The following BTN3A1 variants were observed in gnomAD, a reference collection of about 807,000 sequenced individuals.
BTN3A1 encodes butyrophilin subfamily 3 member A1, also known as dJ45P21.3 (butyrophilin, subfamily 3, member A1).
BTN3A1 carries 24 observed loss-of-function variants against 43.0 expected under a neutral mutation model. The observed-to-expected ratio is 0.56, with a 90% CI of 0.40 to 0.78. The LOEUF (loss-of-function observed/expected upper bound fraction) is 0.78. Ranked by LOEUF, BTN3A1 falls within the 30% of genes least tolerant of loss-of-function variation. The probability of loss-of-function intolerance (pLI) is 0.00; values close to 1 mark genes in which losing one functional copy is unlikely to be tolerated. For synonymous variants in BTN3A1, 181 were observed against 234.7 expected, an observed-to-expected ratio of 0.77 and a Z score of 2.09; for missense variants, 533 against 626.2, an observed-to-expected ratio of 0.85 and a Z score of 1.59.
rs1762315681 is a variant in BTN3A1 at position 26,414,116 on chromosome 6, T to C, written c.*424T>C. The C allele has an allele frequency of 4.1e-6, 1 of 242,594 alleles. No homozygotes were observed. Among genetic ancestry groups the C allele is most frequent in the East Asian group, 1.1e-4 (1 of 9,294 alleles). 15.0% of individuals were successfully genotyped at this position (242,594 alleles called of 1,614,324 possible). Reference sequence around the variant, plus strand: ...GTGCTGTGTTATGAGCTTTGGTGGATGTCACTCCTTTAATCCTCGCAACAC... The same window carrying C: ...GTGCTGTGTTATGAGCTTTGGTGGACGTCACTCCTTTAATCCTCGCAACAC... On this transcript the variant is annotated 3_prime_UTR_variant, in exon 10 of 10. Transcript: ENST00000289361.
Position 26,407,828 on chromosome 6 carries a change from C to A in BTN3A1, c.591C>A (p.Asp197Glu). ...IPTVEAPVVA[D>E]GVGLYAVAAS... is the part of the protein sequence containing the mutation. ...CTGTGGAAGCACCTGTGGTTGCAGA[C>A]GGAGTGGGCCTGTATGCAGTAGCAG... is the stretch of plus-strand genomic sequence containing the variant. Residue 197 changes from aspartate to glutamate, a missense_variant, in exon 4 of 10, where the codon GAC (aspartate) becomes GAA (glutamate). This residue lies in a region of BTN3A1 where 415 missense variants were observed against 427.0 expected (regional missense o/e 0.97). Coordinates refer to ENST00000289361, the MANE Select transcript of BTN3A1 (RefSeq NM_007048.6). 2 of 1,614,214 alleles carry A rather than the reference C, an allele frequency of 1.2e-6. No homozygotes were observed. The highest frequency in any genetic ancestry group is 1.7e-6 in the Non-Finnish European group (2 of 1,180,050).
Position 26,413,984 on chromosome 6 carries a change from G to T in BTN3A1, c.*292G>T. ...TCCCCTTATACAGATAAGGAAACTG[G>T]GGTGCAGAAAAGTGAATTGACTACA... is the stretch of plus-strand genomic sequence containing the variant. On this transcript the variant is annotated 3_prime_UTR_variant, in exon 10 of 10. Transcript: ENST00000289361. 1 of 433,278 alleles carries T rather than the reference G, an allele frequency of 2.3e-6. No individual in the cohort carries two copies. Among genetic ancestry groups the T allele is most frequent in the Non-Finnish European group, 4.2e-6 (1 of 238,668 alleles). 26.8% of individuals were successfully genotyped at this position (433,278 alleles called of 1,614,324 possible). A position where few individuals can be genotyped will look rare whatever the true frequency, so the allele number is the denominator to read the frequency against.
At chr6:26,412,607 A>G in intron 9 of BTN3A1, 1 of 1,546,988 alleles carries the variant, frequency 6.5e-7, no homozygotes, top group Admixed American at 2.0e-5. Flanking sequence ...GCTATCAGGA[A>G]GATGAGGAGC....
Position 26,409,628 on chromosome 6 carries a change from T to G in BTN3A1, c.811T>G (p.Trp271Gly). Residue 271 changes from tryptophan (W) to glycine (G), a missense_variant, in exon 5 of 10, where the codon TGG (tryptophan) becomes GGG (glycine). Around this residue, in one of 4 missense-constraint regions of BTN3A1, gnomAD observed 415 missense variants for 427.0 expected, o/e 0.97. Transcript: ENST00000289361. Reference protein sequence around the residue: ...LLLGGAGYFLWQQQEEKKTQF... With the variant: ...LLLGGAGYFLGQQQEEKKTQF... ...TCTTGGGGGAGCCGGTTACTTCCTG[T>G]GGCAACAGCAGGAGGAAAAAAAGAC... The G allele has an allele frequency of 6.2e-7, 1 of 1,607,406 alleles. No individual in the cohort carries two copies. Among genetic ancestry groups the G allele is most frequent in the Non-Finnish European group, 8.5e-7 (1 of 1,178,286 alleles).
At chr6:26,402,766 T>G (rs1761895707) in intron 1 of BTN3A1, among the ~76,000 whole-genome samples, 1 of 152,206 alleles carries the variant, frequency 6.6e-6, no homozygotes, top group Non-Finnish European at 1.5e-5. Context: ...ATATGTAAAT[T>G]TGTTCATTAC....
intron 3 of BTN3A1, among the ~76,000 whole-genome samples, chr6:26,406,764 G>C (rs1762034192): frequency 6.6e-6 from 1 of 152,182 alleles, no homozygotes; most frequent in Non-Finnish European, 1.5e-5. Flanking sequence ...GAGCTGTGGT[G>C]GAGTCTCAGT....
At position 26,406,078 on chromosome 6, in the gene BTN3A1, G is replaced by A; in HGVS notation, c.255G>A (p.Val85=). The change falls in exon 3 of 10, where the codon GTG becomes GTA. Residue 85 remains valine, a synonymous_variant. Coordinates refer to ENST00000289361, the MANE Select transcript of BTN3A1 (RefSeq NM_007048.6). Reference sequence around the variant, plus strand: ...ACGTGTATGCAGATGGAAAGGAAGTGGAAGACAGGCAGAGTGCACCGTATC... The same window carrying A: ...ACGTGTATGCAGATGGAAAGGAAGTAGAAGACAGGCAGAGTGCACCGTATC... ...VVNVYADGKE[V]EDRQSAPYRG... 6.2e-7 allele frequency: 1 copy of A among 1,604,828 alleles called. No individual in the cohort carries two copies.
chr6:26,405,457 T>C lies in BTN3A1; in HGVS notation c.-107T>C, dbSNP rs118130472. 2,639 of 1,098,632 alleles carry C rather than the reference T, an allele frequency of 2.4e-3. 71 individuals are homozygous for C. In the East Asian group the frequency reaches 0.056, roughly 23 times the overall value. 68.1% of individuals were successfully genotyped at this position (1,098,632 alleles called of 1,614,324 possible). A position where few individuals can be genotyped will look rare whatever the true frequency, so the allele number is the denominator to read the frequency against. ...GAAAGATCTTCTTCGGTCACCATACTTGAGTTAGCTCTAGGGAAGTGGAGG... is the reference window on the plus strand; with the variant it reads ...GAAAGATCTTCTTCGGTCACCATACCTGAGTTAGCTCTAGGGAAGTGGAGG... On this transcript the variant is annotated 5_prime_UTR_variant, in exon 2 of 10. Coordinates refer to ENST00000289361, the MANE Select transcript of BTN3A1 (RefSeq NM_007048.6).
chr6:26,409,672 G>C lies in BTN3A1; in HGVS notation c.855G>C (p.Lys285Asn). The change falls in exon 5 of 10, where the codon AAG becomes AAC. Residue 285 changes from lysine (K) to asparagine (N), a missense_variant. Coordinates refer to ENST00000289361, the MANE Select transcript of BTN3A1 (RefSeq NM_007048.6). The stretch of plus-strand genomic sequence containing the variant: ...AAAAGACTCAGTTCAGAAAGAAAAA[G>C]AGAGAGCAAGAGTTGAGAGAAATGG... Reference protein sequence around the residue: ...EEKKTQFRKKKREQELREMAW... With the variant: ...EEKKTQFRKKNREQELREMAW... The C allele has an allele frequency of 6.3e-7, 1 of 1,595,060 alleles. No homozygotes were observed. The highest frequency in any genetic ancestry group is 1.1e-5 in the South Asian group (1 of 89,826).
At chr6:26,408,100 G>C in intron 4 of BTN3A1, 148 bp downstream of exon 4, 5 of 1,308,588 alleles carry the variant, frequency 3.8e-6, no homozygotes, top group Non-Finnish European at 5.1e-6. Flanking sequence ...TGCACCGGGG[G>C]AGCTTCTCTT....
At chr6:26,405,779 G>T in intron 2 of BTN3A1, 130 bp from the exon 3 acceptor site, 2 of 1,582,562 alleles carry the variant, frequency 1.3e-6, no homozygotes, top group Non-Finnish European at 1.7e-6. Context: ...AGAGACAAAT[G>T]GTGCTTCTGT....
intron 5 of BTN3A1, 28 bp from the exon 6 acceptor site, chr6:26,409,866 T>C (rs369731036): frequency 8.7e-6 from 14 of 1,613,900 alleles, no homozygotes; most frequent in Non-Finnish European, 1.1e-5. Flanking sequence ...CCTGTAACAG[T>C]TCATTATTAT....
chr6:26,407,983 A>G (rs1314660243), intron 4 of BTN3A1, 31 bp downstream of exon 4: 2 of 1,610,024 alleles, frequency 1.2e-6, no homozygotes, highest in Non-Finnish European at 1.7e-6. Context: ...AGGTTTTCTG[A>G]GCTGGGCTGT....
In BTN3A1 at chr6:26,406,168, C is replaced by A. The variant is rs2393650; in HGVS notation, c.345C>A (p.Asn115Lys). ...GGAAGGCTGCTCTCCGAATACACAA[C>A]GTCACAGCCTCTGACAGTGGAAAGT... The part of the protein sequence containing the change: ...TAGKAALRIH[N>K]VTASDSGKYL... Residue 115 changes from asparagine (N) to lysine (K), a missense_variant, in exon 3 of 10, where the codon AAC becomes AAA. Asn to Lys is a moderately conservative substitution (Grantham distance 94). This residue lies in a region of BTN3A1 where 51 missense variants were observed against 90.9 expected (regional missense o/e 0.56). Coordinates refer to ENST00000289361, the MANE Select transcript of BTN3A1 (RefSeq NM_007048.6). 2.0e-5 allele frequency: 30 copies of A among 1,488,092 alleles called. No individual in the cohort carries two copies. The South Asian group carries it at 3.0e-4, about 15-fold the overall frequency. 92.2% of individuals were successfully genotyped at this position (1,488,092 alleles called of 1,614,324 possible). A position where few individuals can be genotyped will look rare whatever the true frequency, so the allele number is the denominator to read the frequency against.
chr6:26,413,609 G>C lies in BTN3A1; in HGVS notation c.1459G>C (p.Asp487His). 1 of 1,614,068 alleles carries C rather than the reference G, an allele frequency of 6.2e-7. No individual in the cohort carries two copies. The highest frequency in any genetic ancestry group is 8.5e-7 in the Non-Finnish European group (1 of 1,180,028). Reference protein sequence around the residue: ...VDGSHIHTFLDVSFSEALYPV... With the variant: ...VDGSHIHTFLHVSFSEALYPV... ...TGGATCGCATATTCATACTTTCCTG[G>C]ACGTCTCCTTCTCTGAGGCTCTATA... The change falls in exon 10 of 10, where the codon GAC becomes CAC. Residue 487 changes from aspartate (D) to histidine (H), a missense_variant. By Grantham distance (81) the Asp-to-His change is moderately conservative (BLOSUM62 -1). This residue lies in a region of BTN3A1 where 415 missense variants were observed against 427.0 expected (regional missense o/e 0.97). Coordinates refer to ENST00000289361, the MANE Select transcript of BTN3A1 (RefSeq NM_007048.6).
At chr6:26,410,768 CAT>C (rs1438014418) in intron 7 of BTN3A1, among the ~76,000 whole-genome samples, 1 of 148,458 alleles carries the variant, frequency 6.7e-6, no homozygotes, top group Non-Finnish European at 1.5e-5. Flanking sequence ...TATATATGTG[CAT>C]ATATATGTAT....
chr6:26,413,805 T>C lies in BTN3A1; in HGVS notation c.*113T>C. The C allele has an allele frequency of 1.9e-6, 3 of 1,592,988 alleles. No homozygotes were observed. In the South Asian group the frequency reaches 3.3e-5, roughly 18 times the overall value. ...GGGAGCCTCAGGCTGAAGTAACTTT[T>C]CTCTGCTTCTCCCTGCCCAGCTCAG... On this transcript the variant is annotated 3_prime_UTR_variant, in exon 10 of 10. Transcript: ENST00000289361.
intron 9 of BTN3A1, chr6:26,412,855 G>T: frequency 6.6e-7 from 1 of 1,524,354 alleles, no homozygotes; most frequent in Admixed American, 2.2e-5. Flanking sequence ...AGTGGGCAGA[G>T]TGAATATGGG....
intron 9 of BTN3A1, chr6:26,412,671 G>T: frequency 4.5e-6 from 7 of 1,551,288 alleles, no homozygotes; most frequent in Non-Finnish European, 6.1e-6. Context: ...CTTCTACAGC[G>T]CTAGAGATTC....
Sources: gnomAD v4.1 joint callset for allele counts (sites outside exome capture counted in the v4.1 genomes callset) on GRCh38, gnomAD v4.1.1 for gene constraint, gnomAD v4.1.1 regional missense constraint, MANE v1.5 for transcripts, NCBI Gene and HGNC (gene_info 2026-07-23, HGNC 2026-07-21) for gene names.